ARMH3: variants seen among roughly 807,000 people sequenced by gnomAD.
ARMH3 encodes the protein armadillo like helical domain containing 3, also known as armadillo-like helical domain-containing protein 3.
Under a neutral mutation model 99.1 loss-of-function variants are expected in ARMH3, and 60 were observed. The observed-to-expected ratio is 0.61, with a 90% CI of 0.49 to 0.75. ARMH3 has a LOEUF of 0.75. Ranked by LOEUF, ARMH3 falls within the 30% of genes least tolerant of loss-of-function variation. The pLI is 0.00. For missense variants in ARMH3, 679 were observed against 843.1 expected, an observed-to-expected ratio of 0.81 and a Z score of 2.41; for synonymous variants, 285 against 292.8, an observed-to-expected ratio of 0.97 and a Z score of 0.27.
intron 8 of ARMH3, among the ~76,000 whole-genome samples, chr10:102,015,296 T>C (rs538490572): frequency 6.6e-6 from 1 of 152,042 alleles, no homozygotes; most frequent in East Asian, 1.9e-4. Context: ...TATGCTGCCA[T>C]GATGAGAGTA....
intron 20 of ARMH3, among the ~76,000 whole-genome samples, chr10:101,974,417 CATCTGGA>C (rs1845902446): frequency 6.6e-6 from 1 of 152,164 alleles, no homozygotes; most frequent in Non-Finnish European, 1.5e-5. Context: ...TCACTGTAAT[CATCTGGA>C]GAAGATTTTA....
chr10:101,893,803 T>C (rs1001905634), intron 23 of ARMH3, among the ~76,000 whole-genome samples: 3 of 152,180 alleles, frequency 2.0e-5, no homozygotes, highest in African/African-American at 7.2e-5. Flanking sequence ...CTTCAAAATG[T>C]ACACTTGTTT....
chr10:101,887,050 C>T (rs1047616163), intron 24 of ARMH3, among the ~76,000 whole-genome samples: 1 of 152,118 alleles, frequency 6.6e-6, no homozygotes, highest in Non-Finnish European at 1.5e-5. Context: ...CACATTAATG[C>T]TCATAAGTGA....
At chr10:101,944,991 A>G (rs772017438) in intron 22 of ARMH3, among the ~76,000 whole-genome samples, 2 of 152,226 alleles carry the variant, frequency 1.3e-5, no homozygotes, top group African/African-American at 2.4e-5. Flanking sequence ...ATGGTGTTCT[A>G]CTTCCAGCAT....
chr10:101,887,592 C>CTCT (rs1275652740), intron 24 of ARMH3, among the ~76,000 whole-genome samples: 4 of 96,848 alleles, frequency 4.1e-5, no homozygotes, highest in Admixed American at 2.4e-4. Flanking sequence ...CTCTCTCTCT[C>CTCT]TTTTTTTTTT....
At chr10:102,028,445 A>G (rs970595325) in intron 5 of ARMH3, among the ~76,000 whole-genome samples, 13 of 152,244 alleles carry the variant, frequency 8.5e-5, no homozygotes, top group Admixed American at 5.9e-4. Flanking sequence ...ATGAACATTC[A>G]TAGCAGCATT....
At chr10:102,016,718 C>T (rs1167073522) in intron 8 of ARMH3, among the ~76,000 whole-genome samples, 2 of 152,120 alleles carry the variant, frequency 1.3e-5, no homozygotes, top group African/African-American at 4.8e-5. Flanking sequence ...TAAACTATAC[C>T]ACTGTTGTAC....
intron 1 of ARMH3, among the ~76,000 whole-genome samples, chr10:102,054,070 T>C (rs764095383): frequency 6.6e-6 from 1 of 152,078 alleles, no homozygotes; most frequent in African/African-American, 2.4e-5. Flanking sequence ...TGCTTTGAGG[T>C]TTTCACCTTG....
chr10:101,983,035 T>A (rs1846301114), intron 19 of ARMH3, among the ~76,000 whole-genome samples: 1 of 152,000 alleles, frequency 6.6e-6, no homozygotes. Flanking sequence ...CTAAAATATA[T>A]ATTTGGTCTT....
intron 22 of ARMH3, among the ~76,000 whole-genome samples, chr10:101,955,752 G>A (rs959348300): frequency 7.2e-5 from 11 of 152,172 alleles, no homozygotes; most frequent in African/African-American, 2.7e-4. Context: ...GGGTGAAGGT[G>A]GTGAAGGAGA....
At chr10:101,879,739 G>A (rs1054215740) in intron 24 of ARMH3, among the ~76,000 whole-genome samples, 17 of 152,056 alleles carry the variant, frequency 1.1e-4, no homozygotes, top group Non-Finnish European at 2.5e-4. Context: ...CTATTTGCAC[G>A]TATTTTAAAT....
chr10:101,924,173 G>T (rs959557127), intron 23 of ARMH3, among the ~76,000 whole-genome samples: 1 of 152,152 alleles, frequency 6.6e-6, no homozygotes, highest in Admixed American at 6.6e-5. Flanking sequence ...TGAGAAGCTA[G>T]AATGATGGGC....
At chr10:101,896,031 G>A (rs1488532044) in intron 23 of ARMH3, among the ~76,000 whole-genome samples, 2 of 152,118 alleles carry the variant, frequency 1.3e-5, no homozygotes, top group Non-Finnish European at 1.5e-5. Context: ...TTCAAAACAA[G>A]TCTGGGCAAC....
intron 19 of ARMH3, among the ~76,000 whole-genome samples, chr10:101,980,084 C>T (rs974508979): frequency 6.6e-6 from 1 of 152,196 alleles, no homozygotes; most frequent in Non-Finnish European, 1.5e-5. Context: ...CCCTCTGGAA[C>T]TCCAGGCTCA....
chr10:101,908,112 GA>G (rs1215897398), intron 23 of ARMH3, among the ~76,000 whole-genome samples: 1 of 152,068 alleles, frequency 6.6e-6, no homozygotes, highest in East Asian at 1.9e-4. Flanking sequence ...TAATTTAAAT[GA>G]AAAAAACTAA....
At chr10:101,865,023 T>C (rs1222383484) in intron 24 of ARMH3, among the ~76,000 whole-genome samples, 2 of 151,826 alleles carry the variant, frequency 1.3e-5, no homozygotes, top group Non-Finnish European at 2.9e-5. Flanking sequence ...GAGACCATCA[T>C]GGCTAACATG....
At chr10:101,982,369 G>A (rs1448877995) in intron 19 of ARMH3, among the ~76,000 whole-genome samples, 1 of 152,142 alleles carries the variant, frequency 6.6e-6, no homozygotes, top group Admixed American at 6.5e-5. Flanking sequence ...CTAGATGCCA[G>A]AGTAAGACTG....
rs763311485 is a variant in ARMH3 at position 101,849,869 on chromosome 10, G to T, written c.1884C>A (p.Asn628Lys). 2.5e-6 allele frequency: 4 copies of T among 1,614,080 alleles called. No homozygotes were observed. The highest frequency in any genetic ancestry group is 3.4e-6 in the Non-Finnish European group (4 of 1,179,990). Residue 628 changes from asparagine to lysine, a missense_variant, in exon 25 of 26, where the codon AAC (asparagine) becomes AAA (lysine). By Grantham distance (94) the Asn-to-Lys change is moderately conservative. Transcript: ENST00000370033. Reference sequence around the variant, plus strand: ...GCAGCTTCAGCGTGAGCGTGTCATAGTTGGCTCTCACCACCTCCAGCACCT... The same window carrying T: ...GCAGCTTCAGCGTGAGCGTGTCATATTTGGCTCTCACCACCTCCAGCACCT... ...EEQVLEVVRANYDTLTLKLQD... is the reference protein window; with the variant it reads ...EEQVLEVVRAKYDTLTLKLQD...
intron 22 of ARMH3, 45 bp from the exon 23 acceptor site, chr10:101,939,983 A>G (rs1289766892): frequency 6.6e-7 from 1 of 1,520,638 alleles, no homozygotes; most frequent in Non-Finnish European, 9.1e-7. Context: ...CCCCGGCATA[A>G]AACACAAACA....
Sources: allele counts gnomAD v4.1 joint callset (sites outside exome capture counted in the v4.1 genomes callset), GRCh38; gene constraint gnomAD v4.1.1; transcripts MANE v1.5; gene names NCBI Gene and HGNC (gene_info 2026-07-23, HGNC 2026-07-21).